KCND2: variants seen among roughly 807,000 people sequenced by gnomAD.
The protein encoded by KCND2 is potassium voltage-gated channel subfamily D member 2, also known as A-type voltage-gated potassium channel KCND2.
Under a neutral mutation model 54.4 loss-of-function variants are expected in KCND2, and 16 were observed. The observed-to-expected ratio is 0.29, with a 90% CI of 0.20 to 0.45. The LOEUF (loss-of-function observed/expected upper bound fraction) is 0.45. Ranked by LOEUF, KCND2 falls within the 20% of genes least tolerant of loss-of-function variation. The pLI, the probability that KCND2 is intolerant of heterozygous loss-of-function variation, is 1.00. For synonymous variants in KCND2, 317 were observed against 310.7 expected (o/e 1.02, Z -0.21); for missense variants, 486 against 824.2 (o/e 0.59, Z 5.02).
intron 1 of KCND2, among the ~76,000 whole-genome samples, chr7:120,727,988 G>GGTGGCATGTGC (rs1358765780): frequency 2.6e-5 from 4 of 151,610 alleles, no homozygotes; most frequent in Admixed American, 2.6e-4. Flanking sequence ...ACAAAAATTA[G>GGTGGCATGTGC]CTGGGTGTGG....
chr7:120,381,574 CA>C (rs1405306231), intron 1 of KCND2, among the ~76,000 whole-genome samples: 2 of 151,734 alleles, frequency 1.3e-5, no homozygotes, highest in Non-Finnish European at 2.9e-5. Context: ...ATTACATGGA[CA>C]AATAAAAATA....
chr7:120,524,839 G>A (rs1324500029), intron 1 of KCND2, among the ~76,000 whole-genome samples: 3 of 152,100 alleles, frequency 2.0e-5, no homozygotes, highest in Admixed American at 6.6e-5. Context: ...ACATCTCAAA[G>A]GAAAATTAAT....
chr7:120,383,860 A>C (rs933181556), intron 1 of KCND2, among the ~76,000 whole-genome samples: 1 of 152,114 alleles, frequency 6.6e-6, no homozygotes, highest in Admixed American at 6.6e-5. Context: ...TTTTAGTGGC[A>C]TGCTTGTTTA....
intron 1 of KCND2, among the ~76,000 whole-genome samples, chr7:120,618,639 G>T (rs1793059157): frequency 6.6e-6 from 1 of 151,868 alleles, no homozygotes; most frequent in Non-Finnish European, 1.5e-5. Context: ...TCCTGCTCGT[G>T]TGTATTTTCT....
intron 1 of KCND2, among the ~76,000 whole-genome samples, chr7:120,695,514 C>G (rs1481696309): frequency 6.6e-6 from 1 of 152,036 alleles, no homozygotes; most frequent in Non-Finnish European, 1.5e-5. Flanking sequence ...ATATCTGATG[C>G]TTTTTAAGAA....
intron 2 of KCND2, among the ~76,000 whole-genome samples, chr7:120,735,693 C>A (rs920914313): frequency 2.0e-5 from 3 of 151,924 alleles, no homozygotes; most frequent in Non-Finnish European, 1.5e-5. Flanking sequence ...TTTGTGAATG[C>A]TTTTTGGTAT....
At chr7:120,309,464 TATATATATATACAC>T (rs1019930612) in intron 1 of KCND2, among the ~76,000 whole-genome samples, 27 of 119,190 alleles carry the variant, frequency 2.3e-4, no homozygotes, top group Non-Finnish European at 4.1e-4. Context: ...TATATATATA[TATATATATATACAC>T]ACACACACAC....
intron 1 of KCND2, among the ~76,000 whole-genome samples, chr7:120,300,389 CT>C (rs1468224508): frequency 6.6e-6 from 1 of 152,066 alleles, no homozygotes; most frequent in Non-Finnish European, 1.5e-5. Flanking sequence ...ATATTAATAT[CT>C]TTAAGCTCTG....
At chr7:120,350,860 G>T (rs1800389508) in intron 1 of KCND2, among the ~76,000 whole-genome samples, 1 of 151,972 alleles carries the variant, frequency 6.6e-6, no homozygotes, top group South Asian at 2.1e-4. Context: ...TGACAACCAG[G>T]TCCACTGGAT....
intron 1 of KCND2, among the ~76,000 whole-genome samples, chr7:120,484,180 G>A (rs1354137400): frequency 2.6e-5 from 4 of 152,224 alleles, no homozygotes; most frequent in South Asian, 2.1e-4. Context: ...GGCAGGACTC[G>A]TGAGGGTACA....
intron 1 of KCND2, among the ~76,000 whole-genome samples, chr7:120,313,409 G>A (rs1209033084): frequency 6.6e-6 from 1 of 152,050 alleles, no homozygotes; most frequent in Non-Finnish European, 1.5e-5. Flanking sequence ...AAGACATTTT[G>A]GGAAGGAAAG....
rs1217430194 is a variant in KCND2 at position 120,378,871 on chromosome 7, T to C, written c.1115+103124T>C. Reference sequence around the variant, plus strand: ...TGAGAGGGTGATAAAATCTTAGTTGTAATATTACATTCTAAGTGGCAAATG... The same window carrying C: ...TGAGAGGGTGATAAAATCTTAGTTGCAATATTACATTCTAAGTGGCAAATG... On this transcript the variant is annotated intron_variant, in intron 1 of 5. Transcript: ENST00000331113. Among the ~76,000 whole-genome samples, 3 of 152,026 alleles carry C rather than the reference T, an allele frequency of 2.0e-5. No individual in the cohort carries two copies. In the East Asian group the frequency reaches 5.8e-4, roughly 29 times the overall value.
At chr7:120,439,557 A>T (rs922225524) in intron 1 of KCND2, among the ~76,000 whole-genome samples, 1 of 152,042 alleles carries the variant, frequency 6.6e-6, no homozygotes, top group Non-Finnish European at 1.5e-5. Context: ...ACAATAAATT[A>T]TTGTGGACTG....
intron 1 of KCND2, among the ~76,000 whole-genome samples, chr7:120,521,553 A>G (rs905008542): frequency 1.3e-5 from 2 of 152,134 alleles, no homozygotes; most frequent in Non-Finnish European, 2.9e-5. Context: ...GATAAACTTG[A>G]ATTTTTAAAT....
intron 1 of KCND2, among the ~76,000 whole-genome samples, chr7:120,657,239 A>G (rs1262078942): frequency 6.6e-6 from 1 of 152,188 alleles, no homozygotes; most frequent in Non-Finnish European, 1.5e-5. Context: ...CAATAAACAA[A>G]CACCATTTTT....
At chr7:120,280,074 G>A (rs1405189923) in intron 1 of KCND2, among the ~76,000 whole-genome samples, 4 of 151,944 alleles carry the variant, frequency 2.6e-5, no homozygotes, top group Non-Finnish European at 5.9e-5. Flanking sequence ...TTAAAAGGTA[G>A]GAAGTACCAA....
At chr7:120,745,081 A>G (rs956600289) in intron 4 of KCND2, among the ~76,000 whole-genome samples, 4 of 152,190 alleles carry the variant, frequency 2.6e-5, no homozygotes, top group African/African-American at 9.6e-5. Context: ...TCATGAGTAC[A>G]GCCAGTGATG....
intron 1 of KCND2, among the ~76,000 whole-genome samples, chr7:120,428,249 A>C (rs1036107036): frequency 1.3e-5 from 2 of 152,206 alleles, no homozygotes; most frequent in African/African-American, 2.4e-5. Flanking sequence ...GACTACTAAC[A>C]ATACTTACTC....
At chr7:120,364,193 T>C (rs1292832617) in intron 1 of KCND2, among the ~76,000 whole-genome samples, 1 of 152,202 alleles carries the variant, frequency 6.6e-6, no homozygotes, top group Non-Finnish European at 1.5e-5. Flanking sequence ...ATGTATCTGG[T>C]TTATGAATTT....
Sources: allele counts gnomAD v4.1 joint callset (sites outside exome capture counted in the v4.1 genomes callset), GRCh38; gene constraint gnomAD v4.1.1; transcripts MANE v1.5; gene names NCBI Gene and HGNC (gene_info 2026-07-23, HGNC 2026-07-21).